YLPM1: variants seen among roughly 807,000 people sequenced by gnomAD.
The protein encoded by YLPM1 is YLP motif-containing protein 1.
A neutral mutation model predicts 230.0 loss-of-function variants in YLPM1; 99 were observed. The observed-to-expected ratio is 0.43, with a 90% CI of 0.37 to 0.51. YLPM1 has a LOEUF of 0.51. YLPM1 is among the 20% of genes least tolerant of loss of function. The pLI is 0.00. For synonymous variants in YLPM1, 984 were observed against 942.5 expected, an observed-to-expected ratio of 1.04 and a Z score of -0.81; for missense variants, 2,592 against 2,707.7, an observed-to-expected ratio of 0.96 and a Z score of 0.95.
chr14:74,799,525 G>A lies in YLPM1; in HGVS notation c.4228G>A (p.Val1410Met), dbSNP rs1427619818. The A allele has an allele frequency of 6.2e-7, 1 of 1,613,996 alleles. No individual in the cohort carries two copies. Among genetic ancestry groups the A allele is most frequent in the South Asian group, 1.1e-5 (1 of 91,080 alleles). Reference protein sequence around the residue: ...RLSDRWYPSDVDRHSPMAEHM... With the variant: ...RLSDRWYPSDMDRHSPMAEHM... The stretch of plus-strand genomic sequence containing the variant: ...GTCAGACAGATGGTACCCATCTGAT[G>A]TGGATAGACATTCCCCCATGGCGGA... The change falls in exon 5 of 21, where the codon GTG (valine) becomes ATG (methionine). Residue 1410 changes from valine to methionine, a missense_variant. Around this residue, in one of 4 missense-constraint regions of YLPM1, gnomAD observed 1,862 missense variants for 1,819.8 expected, o/e 1.02. Transcript: ENST00000325680.
intron 4 of YLPM1, among the ~76,000 whole-genome samples, chr14:74,786,158 T>G (rs2091147777): frequency 6.6e-6 from 1 of 151,878 alleles, no homozygotes; most frequent in Non-Finnish European, 1.5e-5. Flanking sequence ...GGTTAAGAGT[T>G]CGAGACCAGC....
chr14:74,815,965 G>T (rs532825974), intron 11 of YLPM1, among the ~76,000 whole-genome samples: 1 of 151,738 alleles, frequency 6.6e-6, no homozygotes, highest in Non-Finnish European at 1.5e-5. Context: ...ATGTTGTTTA[G>T]TTTTCACGTA....
In YLPM1 at chr14:74,829,241, T is replaced by G. The variant is rs370518645; in HGVS notation, c.6192T>G (p.Thr2064=). Residue 2064 remains threonine (T), a synonymous_variant, in exon 19 of 21, where the codon ACT becomes ACG. Transcript: ENST00000325680. ...LDKLDGLRTG[T]KRKRDWEAIA... ...AGTTGGATGGCTTGAGGACTGGTAC[T>G]AAAAGGAAACGTGACTGGGAGGCCA... 1.9e-6 allele frequency: 3 copies of G among 1,613,178 alleles called. No homozygotes were observed. Among genetic ancestry groups the G allele is most frequent in the Non-Finnish European group, 2.5e-6 (3 of 1,179,376 alleles).
Position 74,817,006 on chromosome 14 carries a change from C to T in YLPM1, c.5761C>T (p.Leu1921=), listed in dbSNP as rs900881972. ...CATGTTCAAAACTTTCAAAAAGACT[C>T]TGGATGATGGCTTTTTTCCCTTCAT... ...TSMFKTFKKT[L]DDGFFPFIIL... The change falls in exon 14 of 21, where the codon CTG becomes TTG. Residue 1921 remains leucine (L), a synonymous_variant. Coordinates refer to ENST00000325680, the MANE Select transcript of YLPM1 (RefSeq NM_019589.3). The T allele has an allele frequency of 2.5e-6, 4 of 1,610,552 alleles. No homozygotes were observed. In the African/African-American group the frequency reaches 4.0e-5, roughly 16 times the overall value.
intron 4 of YLPM1, among the ~76,000 whole-genome samples, chr14:74,785,688 CAA>C (rs757271122): frequency 5.3e-4 from 81 of 151,678 alleles, no homozygotes; most frequent in African/African-American, 1.8e-3. Flanking sequence ...ATTAGAAAAA[CAA>C]GAGTTTAGAA....
chr14:74,825,211 T>G (rs2091552587), intron 18 of YLPM1, among the ~76,000 whole-genome samples: 1 of 152,140 alleles, frequency 6.6e-6, no homozygotes. Context: ...GCTGCTTCAT[T>G]GCTTGGGACA....
At chr14:74,833,778 A>G (rs1002319467) in intron 19 of YLPM1, among the ~76,000 whole-genome samples, 1 of 152,172 alleles carries the variant, frequency 6.6e-6, no homozygotes, top group African/African-American at 2.4e-5. Context: ...ACCAGGTGAT[A>G]CTGTTAAAAG....
In YLPM1 at chr14:74,763,475, G is replaced by C; in HGVS notation, c.-15G>C. The C allele has an allele frequency of 7.0e-7, 1 of 1,437,374 alleles. No individual in the cohort carries two copies. The highest frequency in any genetic ancestry group is 9.2e-7 in the Non-Finnish European group (1 of 1,090,776). The allele number at this position is 1,437,374 out of a possible 1,614,324, so 89.0% of individuals were successfully genotyped here. On this transcript the variant is annotated 5_prime_UTR_variant, in exon 1 of 21. Coordinates refer to ENST00000325680, the MANE Select transcript of YLPM1 (RefSeq NM_019589.3). Reference sequence around the variant, plus strand: ...GTAACGGCGCCAGGACGAGCCCTGCGCCTTCTTTTTCGATATGTACCCGAA... The same window carrying C: ...GTAACGGCGCCAGGACGAGCCCTGCCCCTTCTTTTTCGATATGTACCCGAA...
At chr14:74,772,854 ACTTCT>A (rs1435085836) in intron 1 of YLPM1, among the ~76,000 whole-genome samples, 8 of 152,288 alleles carry the variant, frequency 5.3e-5, no homozygotes, top group Admixed American at 5.2e-4. Flanking sequence ...GGATGATCAC[ACTTCT>A]CTTAGGGTCA....
intron 6 of YLPM1, among the ~76,000 whole-genome samples, chr14:74,804,585 T>A (rs369338491): frequency 3.3e-5 from 5 of 152,220 alleles, no homozygotes; most frequent in African/African-American, 1.2e-4. Context: ...AACTGGCTAA[T>A]GTTTGTTTAT....
intron 4 of YLPM1, among the ~76,000 whole-genome samples, chr14:74,795,078 A>T (rs1248319984): frequency 1.3e-5 from 2 of 152,218 alleles, no homozygotes; most frequent in East Asian, 3.8e-4. Flanking sequence ...GAATCTCAGG[A>T]CATGGGAAAT....
At chr14:74,828,584 T>C (rs1041548551) in intron 18 of YLPM1, among the ~76,000 whole-genome samples, 1 of 152,162 alleles carries the variant, frequency 6.6e-6, no homozygotes, top group South Asian at 2.1e-4. Context: ...TCTGGTAAAA[T>C]TGTCTGACTA....
chr14:74,783,665 A>G lies in YLPM1; in HGVS notation c.2282+1340A>G, dbSNP rs374069805. Among the ~76,000 whole-genome samples the G allele has an allele frequency of 8.5e-5, 13 of 152,314 alleles. 1 individual carries two copies. The East Asian group carries it at 1.3e-3, about 16-fold the overall frequency. Reference sequence around the variant, plus strand: ...CATCATTTTTTTCAACCTCATTTTAACATTTGAAAACAAAATATATCTTTT... The same window carrying G: ...CATCATTTTTTTCAACCTCATTTTAGCATTTGAAAACAAAATATATCTTTT... On this transcript the variant is annotated intron_variant, in intron 4 of 20. Transcript: ENST00000325680.
chr14:74,823,671 G>T lies in YLPM1; in HGVS notation c.6112-585G>T, dbSNP rs548107117. ...TGAATTTGATTCAGTAAAATTAGCCGTTGTATGCTCTAACTGGTAAATGAA... is the reference window on the plus strand; with the variant it reads ...TGAATTTGATTCAGTAAAATTAGCCTTTGTATGCTCTAACTGGTAAATGAA... On this transcript the variant is annotated intron_variant, in intron 17 of 20. Transcript: ENST00000325680. Among the ~76,000 whole-genome samples, 10 of 152,058 alleles carry T rather than the reference G, an allele frequency of 6.6e-5. 1 individual carries two copies. Among genetic ancestry groups the T allele is most frequent in the South Asian group, 4.1e-4 (2 of 4,826 alleles).
intron 5 of YLPM1, among the ~76,000 whole-genome samples, chr14:74,800,302 T>A (rs989245593): frequency 5.3e-5 from 8 of 152,256 alleles, no homozygotes; most frequent in Admixed American, 1.3e-4. Flanking sequence ...GAAAATAGGA[T>A]TTCTTGACTT....
At chr14:74,821,304 A>G (rs1455531209) in intron 17 of YLPM1, 167 bp downstream of exon 17, 84 of 1,028,896 alleles carry the variant, frequency 8.2e-5, no homozygotes, top group Non-Finnish European at 1.1e-4. Context: ...ATTTTTCCCC[A>G]GACCAAAAGA....
At chr14:74,800,012 G>A (rs1594827846) in intron 5 of YLPM1, among the ~76,000 whole-genome samples, 2 of 152,146 alleles carry the variant, frequency 1.3e-5, no homozygotes, top group East Asian at 3.9e-4. Flanking sequence ...GGATTTCACA[G>A]GGTTCATGTG....
At chr14:74,835,490 T>C (rs2091636717) in intron 20 of YLPM1, 43 bp downstream of exon 20, 17 of 1,530,624 alleles carry the variant, frequency 1.1e-5, no homozygotes, top group Non-Finnish European at 1.4e-5. Context: ...GTGTGGTTGC[T>C]TCAAAGGGTT....
At chr14:74,829,532 A>G (rs1179096962) in intron 19 of YLPM1, among the ~76,000 whole-genome samples, 189 bp downstream of exon 19, 1 of 152,222 alleles carries the variant, frequency 6.6e-6, no homozygotes, top group Non-Finnish European at 1.5e-5. Flanking sequence ...AGCTTAAAAA[A>G]TTGGAGAACA....
Sources: allele counts gnomAD v4.1 joint callset (sites outside exome capture counted in the v4.1 genomes callset), GRCh38; gene constraint gnomAD v4.1.1; regional missense constraint gnomAD v4.1.1; transcripts MANE v1.5; gene names NCBI Gene and HGNC (gene_info 2026-07-23, HGNC 2026-07-21).